Variants in SETD4 observed in about 807,000 individuals in gnomAD.
SETD4 encodes the protein SET domain-containing protein 4.
In SETD4, 46 loss-of-function variants were observed where a neutral mutation model predicts 58.3. That is an observed-to-expected ratio of 0.79 (90% confidence interval 0.62 to 1.01). The LOEUF is 1.01. Among genes scored for constraint, SETD4 ranks in the 50% least tolerant of loss-of-function variants. The pLI is 0.00. For missense variants in SETD4, 490 were observed against 523.3 expected (o/e 0.94, Z 0.62); for synonymous variants, 190 against 202.6 (o/e 0.94, Z 0.53).
intron 5 of SETD4, among the ~76,000 whole-genome samples, chr21:36,047,261 G>T (rs1417054942): frequency 6.6e-6 from 1 of 151,912 alleles, no homozygotes; most frequent in Non-Finnish European, 1.5e-5. Flanking sequence ...TCTCAAAAAA[G>T]AAAGAAAAAA....
intron 4 of SETD4, chr21:36,050,763 C>T (rs780328912): frequency 6.2e-7 from 1 of 1,612,374 alleles, no homozygotes; most frequent in Non-Finnish European, 8.5e-7. Flanking sequence ...TCTAAGCCAT[C>T]TTATTTGCCA....
At chr21:36,042,160 C>T (rs1307731941) in intron 7 of SETD4, 1 of 241,264 alleles carries the variant, frequency 4.1e-6, no homozygotes, top group Admixed American at 5.9e-5. Flanking sequence ...CAAAAACAAG[C>T]AGGTCATTAG....
chr21:36,046,909 C>T (rs2835250), intron 5 of SETD4, among the ~76,000 whole-genome samples: 113,281 of 152,136 alleles, frequency 0.74, 42,440 homozygotes, highest in South Asian at 0.83. Context: ...CCTATTCACT[C>T]TCTTCCAAAA....
intron 3 of SETD4, among the ~76,000 whole-genome samples, chr21:36,054,893 T>G (rs947551080): frequency 1.1e-4 from 16 of 147,968 alleles, no homozygotes; most frequent in African/African-American, 3.8e-4. Context: ...AAGTCTTCCA[T>G]CAGCTTCCTG....
rs116084907 is a variant in SETD4, at chr21:36,036,105, G to A, written c.*12C>T. The A allele has an allele frequency of 1.5e-3, 2,482 of 1,614,140 alleles. 30 individuals carry two copies. In the African/African-American group the frequency reaches 0.027, roughly 18 times the overall value. On this transcript the variant is annotated 3_prime_UTR_variant, in exon 11 of 12. Transcript: ENST00000332131. ...CCCACCAGAGGAGGTGACCAAATGC[G>A]CTTCGGTGAAATCAGGTAAAAGCTG...
At chr21:36,047,834 C>CAAAAAAAAA (rs34827028) in intron 5 of SETD4, among the ~76,000 whole-genome samples, 448 of 67,558 alleles carry the variant, frequency 6.6e-3, no homozygotes, top group Middle Eastern at 0.018. Context: ...ACTAAAAATA[C>CAAAAAAAAA]AAAAAAAAAA....
chr21:36,038,493 G>T (rs962360043), intron 9 of SETD4, among the ~76,000 whole-genome samples: 11 of 152,144 alleles, frequency 7.2e-5, no homozygotes, highest in Non-Finnish European at 1.6e-4. Context: ...ATAAAAGCAC[G>T]GGGGGTGGGT....
At chr21:36,052,515 G>A (rs1314428845) in intron 4 of SETD4, among the ~76,000 whole-genome samples, 1 of 139,838 alleles carries the variant, frequency 7.2e-6, no homozygotes, top group African/African-American at 2.7e-5. Flanking sequence ...CCGAGATCGC[G>A]CCACTGCACT....
chr21:36,042,063 CTGAGTCCCTGAAAGG>C, intron 7 of SETD4, 175 bp from the exon 8 acceptor site: 1 of 439,448 alleles, frequency 2.3e-6, no homozygotes, highest in Admixed American at 4.5e-5. Flanking sequence ...CACATCAGTA[CTGAGTCCCTGAAAGG>C]CTGTAAGAAT....
At chr21:36,038,001 A>C (rs1345059221) in intron 10 of SETD4, 149 bp downstream of exon 10, 1 of 1,004,534 alleles carries the variant, frequency 1.0e-6, no homozygotes, top group African/African-American at 1.7e-5. Context: ...CATCTCAAAG[A>C]AAACAAAAAT....
chr21:36,059,116 A>T, intron 1 of SETD4, 192 bp from the exon 2 acceptor site: 1 of 553,226 alleles, frequency 1.8e-6, no homozygotes, highest in Middle Eastern at 5.2e-4. Flanking sequence ...ACTGTGAGCT[A>T]AATCATGATC....
Position 36,045,564 on chromosome 21 carries a change from C to T in SETD4, c.726+18G>A, listed in dbSNP as rs1371475659. ...TTCCTATCCAAATAGAATAGCTGCTCCCTTGTCAGCTTCTCACCTGGACAT... is the reference window on the plus strand; with the variant it reads ...TTCCTATCCAAATAGAATAGCTGCTTCCTTGTCAGCTTCTCACCTGGACAT... On this transcript the variant is annotated intron_variant, in intron 6 of 11. Transcript: ENST00000332131. 1.9e-6 allele frequency: 3 copies of T among 1,607,446 alleles called. No individual in the cohort carries two copies. Among genetic ancestry groups the T allele is most frequent in the East Asian group, 4.5e-5 (2 of 44,714 alleles).
chr21:36,045,155 A>C (rs758198570), intron 6 of SETD4, among the ~76,000 whole-genome samples: 1 of 152,238 alleles, frequency 6.6e-6, no homozygotes, highest in African/African-American at 2.4e-5. Context: ...TTCAGAGCTC[A>C]GTGGGAAAAA....
chr21:36,059,100 G>T, intron 1 of SETD4, 176 bp from the exon 2 acceptor site: 1 of 653,616 alleles, frequency 1.5e-6, no homozygotes, highest in Non-Finnish European at 2.3e-6. Flanking sequence ...TACATGAAAC[G>T]TTTATACTGT....
intron 6 of SETD4, 58 bp from the exon 7 acceptor site, chr21:36,044,014 ATTAAG>A (rs1184983516): frequency 5.8e-6 from 9 of 1,556,078 alleles, no homozygotes; most frequent in Non-Finnish European, 6.1e-6. Flanking sequence ...TCCAAAGCTG[ATTAAG>A]TTATTACATA....
intron 2 of SETD4, among the ~76,000 whole-genome samples, chr21:36,057,674 C>T (rs532576573): frequency 3.3e-5 from 5 of 152,226 alleles, no homozygotes; most frequent in African/African-American, 1.2e-4. Context: ...CCTAGAATAG[C>T]CCCAATATCT....
intron 6 of SETD4, among the ~76,000 whole-genome samples, chr21:36,044,746 G>A (rs2835246): frequency 0.13 from 19,900 of 152,232 alleles, 1,382 homozygotes; most frequent in Middle Eastern, 0.25. Flanking sequence ...AGCTTAGCAC[G>A]TGGGCTCACA....
At chr21:36,046,532 C>T (rs918570686) in intron 5 of SETD4, among the ~76,000 whole-genome samples, 1 of 152,180 alleles carries the variant, frequency 6.6e-6, no homozygotes, top group Non-Finnish European at 1.5e-5. Context: ...GTTTTAATTG[C>T]ACAATAGCCA....
chr21:36,052,382 ACT>A, intron 4 of SETD4, among the ~76,000 whole-genome samples: 1 of 142,556 alleles, frequency 7.0e-6, no homozygotes, highest in Non-Finnish European at 1.5e-5. Context: ...CCCTGTCTCT[ACT>A]AAAAAAAAAA....
Sources: gnomAD v4.1 joint callset for allele counts (sites outside exome capture counted in the v4.1 genomes callset) on GRCh38, gnomAD v4.1.1 for gene constraint, MANE v1.5 for transcripts, NCBI Gene and HGNC (gene_info 2026-07-23, HGNC 2026-07-21) for gene names.